NELL2: variants seen among roughly 807,000 people sequenced by gnomAD.
The protein encoded by NELL2 is protein kinase C-binding protein NELL2.
Under a neutral mutation model 109.6 loss-of-function variants are expected in NELL2, and 41 were observed. The observed-to-expected ratio is 0.37, with a 90% confidence interval of 0.29 to 0.49. NELL2 has a LOEUF of 0.49. NELL2 is among the 20% of genes least tolerant of loss of function. NELL2 has a pLI of 0.98. For missense variants in NELL2, 900 were observed against 1,008.3 expected (o/e 0.89, Z 1.45); for synonymous variants, 355 against 344.7 (o/e 1.03, Z -0.33).
chr12:44,579,063 T>C (rs1944225421), intron 15 of NELL2, among the ~76,000 whole-genome samples: 1 of 152,194 alleles, frequency 6.6e-6, no homozygotes, highest in Non-Finnish European at 1.5e-5. Flanking sequence ...CTTTTCATTT[T>C]TACTCTCTAA....
intron 1 of NELL2, among the ~76,000 whole-genome samples, chr12:44,900,162 G>A (rs1316628757): frequency 1.3e-5 from 2 of 151,988 alleles, no homozygotes; most frequent in Non-Finnish European, 2.9e-5. Flanking sequence ...CAATAATAGT[G>A]GGAGACTGTA....
chr12:44,523,080 G>C (rs752815167), intron 17 of NELL2: 1 of 582,024 alleles, frequency 1.7e-6, no homozygotes, highest in Non-Finnish European at 3.0e-6. Context: ...ATAGGGACTG[G>C]ATGCAGTTTT....
At chr12:44,706,957 G>A (rs1336363603) in intron 11 of NELL2, among the ~76,000 whole-genome samples, 1 of 152,054 alleles carries the variant, frequency 6.6e-6, no homozygotes, top group East Asian at 1.9e-4. Context: ...AAAGAGGGGA[G>A]GATGGATACA....
At chr12:44,798,324 C>A (rs1276861101) in intron 3 of NELL2, among the ~76,000 whole-genome samples, 1 of 151,840 alleles carries the variant, frequency 6.6e-6, no homozygotes, top group East Asian at 1.9e-4. Context: ...GCAAAATATT[C>A]TACAAATAAA....
At chr12:44,743,871 G>A (rs911399313) in intron 9 of NELL2, among the ~76,000 whole-genome samples, 1 of 152,094 alleles carries the variant, frequency 6.6e-6, no homozygotes, top group African/African-American at 2.4e-5. Context: ...ACACCTCACT[G>A]TCAACATTAG....
At chr12:44,577,542 A>G (rs1438135467) in intron 15 of NELL2, among the ~76,000 whole-genome samples, 1 of 129,004 alleles carries the variant, frequency 7.8e-6, no homozygotes, top group African/African-American at 3.1e-5. Context: ...TGGCACGATG[A>G]TCTCGGCTCA....
chr12:44,513,490 A>G (rs1941094059), intron 19 of NELL2, among the ~76,000 whole-genome samples: 1 of 152,006 alleles, frequency 6.6e-6, no homozygotes, highest in Non-Finnish European at 1.5e-5. Context: ...CAAAGACTGG[A>G]AAGTATCTAT....
chr12:44,849,497 A>G (rs1273728147), intron 2 of NELL2, among the ~76,000 whole-genome samples: 1 of 152,204 alleles, frequency 6.6e-6, no homozygotes, highest in East Asian at 1.9e-4. Flanking sequence ...GGATCAAATC[A>G]AAAAGACTGC....
At position 44,732,222 on chromosome 12, in the gene NELL2, T is replaced by C. The variant is rs887995835; in HGVS notation, c.995-17481A>G. On this transcript the variant is annotated intron_variant, in intron 9 of 19. Coordinates refer to ENST00000429094, the MANE Select transcript of NELL2 (RefSeq NM_001145108.2). ...TTTAGAGAAACAGTCAAAACAATGCTAAAATTCATATGGAGCCATAAAGGA... is the reference window on the plus strand; with the variant it reads ...TTTAGAGAAACAGTCAAAACAATGCCAAAATTCATATGGAGCCATAAAGGA... 8.6e-5 allele frequency among the ~76,000 whole-genome samples: 13 copies of C among 151,956 alleles called. No homozygotes were observed. The South Asian group carries it at 2.5e-3, about 29-fold the overall frequency.
At chr12:44,599,961 T>C (rs971678071) in intron 15 of NELL2, among the ~76,000 whole-genome samples, 1 of 56,138 alleles carries the variant, frequency 1.8e-5, no homozygotes, top group East Asian at 1.0e-3. Context: ...TAGAATTCCG[T>C]TTTTTTTTTT....
Position 44,529,552 on chromosome 12 carries a change from G to A in NELL2, c.1804+3029C>T, listed in dbSNP as rs535767528. On this transcript the variant is annotated intron_variant, in intron 16 of 19. Transcript: ENST00000429094. The stretch of plus-strand genomic sequence containing the variant: ...GGATTGAGAATGGATAGAAAAGACT[G>A]ACAAGGCCTGAGTCCTGGGGCATTT... 3.9e-5 allele frequency among the ~76,000 whole-genome samples: 6 copies of A among 152,258 alleles called. No individual in the cohort carries two copies. In the East Asian group the frequency reaches 5.8e-4, roughly 15 times the overall value.
At chr12:44,725,804 A>G (rs908596212) in intron 9 of NELL2, among the ~76,000 whole-genome samples, 1 of 152,194 alleles carries the variant, frequency 6.6e-6, no homozygotes, top group African/African-American at 2.4e-5. Flanking sequence ...AACGATAAGA[A>G]CTTATGAACA....
chr12:44,762,120 T>C (rs879492748), intron 9 of NELL2, among the ~76,000 whole-genome samples: 32 of 152,124 alleles, frequency 2.1e-4, no homozygotes, highest in Non-Finnish European at 3.8e-4. Context: ...CCATCCAGAT[T>C]TTTACCTCCA....
rs138926020 is a variant in NELL2, at chr12:44,711,328, T to C, written c.1153A>G (p.Ile385Val). The C allele has an allele frequency of 2.3e-5, 37 of 1,612,564 alleles. No individual in the cohort carries two copies. In the African/African-American group the frequency reaches 4.7e-4, roughly 20 times the overall value. Reference protein sequence around the residue: ...PALDCPESHQITLSHSCCKVC... With the variant: ...PALDCPESHQVTLSHSCCKVC... ...TTGCAACAGCTGTGAGACAAGGTTA[T>C]CTGATGAGACTCTGGACAATCCAAA... The change falls in exon 11 of 20, where the codon ATA becomes GTA. Residue 385 changes from isoleucine (I) to valine (V), a missense_variant. Transcript: ENST00000429094.
intron 10 of NELL2, 21 bp from the exon 11 acceptor site, chr12:44,711,415 A>T: frequency 4.4e-6 from 7 of 1,584,440 alleles, no homozygotes; most frequent in Non-Finnish European, 6.1e-6. Context: ...ACAGAAAAGA[A>T]GTGCTTCAAA....
At position 44,564,677 on chromosome 12, in the gene NELL2, T is replaced by G. The variant is rs546378886; in HGVS notation, c.1664-31956A>C. Reference sequence around the variant, plus strand: ...GAGGACTGCCTGAAGGAAATACAGCTTATTAGGAATCTATTCATTTATTAT... The same window carrying G: ...GAGGACTGCCTGAAGGAAATACAGCGTATTAGGAATCTATTCATTTATTAT... On this transcript the variant is annotated intron_variant, in intron 15 of 19. Coordinates refer to ENST00000429094, the MANE Select transcript of NELL2 (RefSeq NM_001145108.2). Among the ~76,000 whole-genome samples the G allele has an allele frequency of 4.6e-5, 7 of 152,330 alleles. No individual in the cohort carries two copies. The South Asian group carries it at 1.4e-3, about 32-fold the overall frequency.
intron 12 of NELL2, among the ~76,000 whole-genome samples, chr12:44,700,521 C>A (rs1299986793): frequency 6.6e-6 from 1 of 152,130 alleles, no homozygotes; most frequent in Non-Finnish European, 1.5e-5. Flanking sequence ...AAAAGTCCTT[C>A]TTTCTACCTG....
chr12:44,557,503 C>A (rs1008930522), intron 15 of NELL2, among the ~76,000 whole-genome samples: 2 of 152,002 alleles, frequency 1.3e-5, no homozygotes. Flanking sequence ...CCAAGAGGAT[C>A]AATGCAGAGG....
At chr12:44,907,346 T>C (rs996940061) in intron 1 of NELL2, among the ~76,000 whole-genome samples, 18 of 152,054 alleles carry the variant, frequency 1.2e-4, no homozygotes, top group Non-Finnish European at 2.5e-4. Context: ...TTAAAAGCTC[T>C]GAAAGAGAAA....
Sources: gnomAD v4.1 joint callset for allele counts (sites outside exome capture counted in the v4.1 genomes callset) on GRCh38, gnomAD v4.1.1 for gene constraint, MANE v1.5 for transcripts, NCBI Gene and HGNC (gene_info 2026-07-23, HGNC 2026-07-21) for gene names.